Variants in BTBD8 observed in about 807,000 individuals in gnomAD.
The protein encoded by BTBD8 is BTB domain containing 8, also known as BTB/POZ domain-containing protein 8.
Under a neutral mutation model 162.9 loss-of-function variants are expected in BTBD8, and 110 were observed. The ratio of observed to expected loss-of-function variants is 0.68; its 90% CI spans 0.58 to 0.79. The LOEUF (loss-of-function observed/expected upper bound fraction) is 0.79. Among genes scored for constraint, BTBD8 ranks in the 30% least tolerant of loss-of-function variants. The pLI is 0.00. For synonymous variants in BTBD8, 667 were observed against 716.1 expected, an observed-to-expected ratio of 0.93 and a Z score of 1.10; for missense variants, 1,905 against 2,085.4, an observed-to-expected ratio of 0.91 and a Z score of 1.68.
intron 1 of BTBD8, among the ~76,000 whole-genome samples, chr1:92,086,728 G>A (rs56217958): frequency 7.9e-5 from 12 of 152,240 alleles, no homozygotes; most frequent in South Asian, 2.1e-4. Flanking sequence ...TCATGGGTGC[G>A]AGTGGTAGTG....
chr1:92,088,864 G>T lies in BTBD8; in HGVS notation c.316G>T (p.Val106Phe). The T allele has an allele frequency of 6.2e-7, 1 of 1,611,744 alleles. No individual in the cohort carries two copies. Among genetic ancestry groups the T allele is most frequent in the Non-Finnish European group, 8.5e-7 (1 of 1,178,826 alleles). Residue 106 changes from valine to phenylalanine, a missense_variant, in exon 2 of 18, where the codon GTT (valine) becomes TTT (phenylalanine). By Grantham distance (50) the Val-to-Phe change is conservative. This residue lies in a region of BTBD8 where 1,374 missense variants were observed against 1,442.7 expected (regional missense o/e 0.95). Transcript: ENST00000636805. Reference protein sequence around the residue: ...TNQEPIAVENVEALEFRTFLQ... With the variant: ...TNQEPIAVENFEALEFRTFLQ... ...TCAGGAGCCTATTGCTGTGGAGAAT[G>T]TTGAAGCTTTAGAATTTAGAACGTT...
At chr1:92,147,531 AAG>A (rs755143433) in intron 8 of BTBD8, among the ~76,000 whole-genome samples, 151 bp from the exon 9 acceptor site, 1 of 152,330 alleles carries the variant, frequency 6.6e-6, no homozygotes, top group Non-Finnish European at 1.5e-5. Flanking sequence ...GTTTACAGGA[AAG>A]AGAATATAAA....
chr1:92,112,029 A>G (rs966252055), intron 4 of BTBD8, among the ~76,000 whole-genome samples: 2 of 152,238 alleles, frequency 1.3e-5, no homozygotes, highest in African/African-American at 2.4e-5. Flanking sequence ...TCAATGATAC[A>G]TAAAATATGA....
intron 13 of BTBD8, among the ~76,000 whole-genome samples, chr1:92,172,956 G>T (rs752671776): frequency 6.6e-6 from 1 of 152,072 alleles, no homozygotes; most frequent in East Asian, 1.9e-4. Context: ...ACGGAGTTTC[G>T]CTCTTGTTGC....
At chr1:92,111,427 C>T (rs571193423) in intron 4 of BTBD8, among the ~76,000 whole-genome samples, 1 of 152,238 alleles carries the variant, frequency 6.6e-6, no homozygotes, top group Non-Finnish European at 1.5e-5. Context: ...CCTTTAATAT[C>T]TCTCTGAATA....
In BTBD8 at chr1:92,184,241, T is replaced by G; in HGVS notation, c.5290T>G (p.Ser1764Ala). 6.4e-7 allele frequency: 1 copy of G among 1,551,648 alleles called. No individual in the cohort carries two copies. Among genetic ancestry groups the G allele is most frequent in the Non-Finnish European group, 8.7e-7 (1 of 1,146,848 alleles). Residue 1764 changes from serine (S) to alanine (A), a missense_variant, in exon 18 of 18, where the codon TCA (serine) becomes GCA (alanine). Ser to Ala is a moderately conservative substitution (Grantham distance 99). Transcript: ENST00000636805. ...TGAACTAACATCTCCACTTGATTCCTCAGCGAGCATCACCATGGCTAGTTT... is the reference window on the plus strand; with the variant it reads ...TGAACTAACATCTCCACTTGATTCCGCAGCGAGCATCACCATGGCTAGTTT... ...WSELTSPLDS[S>A]ASITMASFSS...
Position 92,183,875 on chromosome 1 carries a change from G to A in BTBD8, c.4924G>A (p.Asp1642Asn), listed in dbSNP as rs1557470731. The change falls in exon 18 of 18, where the codon GAT becomes AAT. Residue 1642 changes from aspartate to asparagine, a missense_variant. Physicochemically the swap from Asp to Asn is conservative, Grantham distance 23. Coordinates refer to ENST00000636805, the MANE Select transcript of BTBD8 (RefSeq NM_001376131.1). Reference sequence around the variant, plus strand: ...ATGAATTATTTCAGGAGACATAGATGATTGTGACACACTGGCACAAACCCG... The same window carrying A: ...ATGAATTATTTCAGGAGACATAGATAATTGTGACACACTGGCACAAACCCG... Reference protein sequence around the residue: ...NIALSAGDIDDCDTLAQTRMY... With the variant: ...NIALSAGDIDNCDTLAQTRMY... The A allele has an allele frequency of 1.3e-6, 2 of 1,546,214 alleles. No homozygotes were observed. The highest frequency in any genetic ancestry group is 1.7e-6 in the Non-Finnish European group (2 of 1,144,648).
intron 9 of BTBD8, among the ~76,000 whole-genome samples, chr1:92,159,093 A>G (rs1327989795): frequency 6.6e-6 from 1 of 151,998 alleles, no homozygotes; most frequent in African/African-American, 2.4e-5. Context: ...CATAAGTGAT[A>G]CAGTACTCTT....
intron 7 of BTBD8, among the ~76,000 whole-genome samples, chr1:92,141,454 A>G (rs993684251): frequency 2.0e-5 from 3 of 152,324 alleles, no homozygotes; most frequent in African/African-American, 7.2e-5. Flanking sequence ...AGTATCCTGT[A>G]TAATTCAAAG....
intron 2 of BTBD8, among the ~76,000 whole-genome samples, chr1:92,097,715 C>T (rs1264816875): frequency 6.6e-6 from 1 of 152,186 alleles, no homozygotes; most frequent in Non-Finnish European, 1.5e-5. Context: ...CGTATCAATA[C>T]TTTATTCCCT....
chr1:92,141,420 A>G (rs1260819319), intron 7 of BTBD8, among the ~76,000 whole-genome samples: 1 of 152,186 alleles, frequency 6.6e-6, no homozygotes, highest in Non-Finnish European at 1.5e-5. Context: ...AACAAAATTG[A>G]TGGGAGGGTA....
intron 5 of BTBD8, 32 bp downstream of exon 5, chr1:92,129,808 C>T: frequency 6.5e-7 from 1 of 1,526,722 alleles, no homozygotes; most frequent in Non-Finnish European, 9.1e-7. Context: ...CATTTGACTG[C>T]AAATGATTGT....
intron 2 of BTBD8, among the ~76,000 whole-genome samples, chr1:92,101,574 G>A (rs990372690): frequency 6.6e-6 from 1 of 152,234 alleles, no homozygotes; most frequent in Admixed American, 6.5e-5. Flanking sequence ...CCAGGGGTGA[G>A]GTGACACTCA....
chr1:92,152,725 C>T (rs1290212674), intron 9 of BTBD8, among the ~76,000 whole-genome samples: 4 of 151,932 alleles, frequency 2.6e-5, no homozygotes, highest in Non-Finnish European at 5.9e-5. Context: ...TCAAACTATG[C>T]CTCTCCCAAT....
At position 92,167,980 on chromosome 1, in the gene BTBD8, GA is replaced by G; in HGVS notation, c.1441del (p.Met481TrpfsTer33). ...DTLLNSDSTKEMGFTCKIQAL... is the reference protein window; with the variant it reads ...DTLLNSDSTKXMGFTCKIQAL... ...ACTGCTGAACTCTGACAGTACAAAG[GA>G]AATGGTACTGAATGTAATGAAATTT... is the stretch of plus-strand genomic sequence containing the variant. On this transcript the variant is annotated frameshift_variant, in exon 11 of 18. Coordinates refer to ENST00000636805, the MANE Select transcript of BTBD8 (RefSeq NM_001376131.1). LOFTEE classifies it high-confidence loss of function. 1 of 1,543,094 alleles carries G rather than the reference GA, an allele frequency of 6.5e-7. No homozygotes were observed. The highest frequency in any genetic ancestry group is 8.8e-7 in the Non-Finnish European group (1 of 1,142,344).
intron 4 of BTBD8, among the ~76,000 whole-genome samples, chr1:92,116,507 A>C (rs181083080): frequency 1.3e-5 from 2 of 151,962 alleles, no homozygotes; most frequent in Admixed American, 1.3e-4. Context: ...TTGGAGCTCT[A>C]TTATTTGTTA....
In BTBD8 at chr1:92,108,008, A is replaced by G; in HGVS notation, c.662+7A>G. The G allele has an allele frequency of 1.4e-5, 23 of 1,601,778 alleles. No individual in the cohort carries two copies. Among genetic ancestry groups the G allele is most frequent in the Non-Finnish European group, 2.0e-5 (23 of 1,169,016 alleles). ...AACGTTTTAAAGCTCACAGGTAAAT[A>G]GACACGACTGATTTGCTGTCTTGGT... On this transcript the variant is annotated splice_region_variant and intron_variant, in intron 4 of 17. Transcript: ENST00000636805.
chr1:92,080,909 A>G (rs1196498581), intron 1 of BTBD8, among the ~76,000 whole-genome samples, 189 bp downstream of exon 1: 6 of 152,128 alleles, frequency 3.9e-5, no homozygotes, highest in Admixed American at 1.3e-4. Context: ...TGAATAAACA[A>G]TCCCGAGCAC....
At chr1:92,126,943 T>C (rs1387988500) in intron 4 of BTBD8, among the ~76,000 whole-genome samples, 1 of 152,202 alleles carries the variant, frequency 6.6e-6, no homozygotes, top group Admixed American at 6.5e-5. Flanking sequence ...AATCTTAATA[T>C]AGTAGAAAAA....
Sources: gnomAD v4.1 joint callset for allele counts (sites outside exome capture counted in the v4.1 genomes callset) on GRCh38, gnomAD v4.1.1 for gene constraint, gnomAD v4.1.1 regional missense constraint, MANE v1.5 for transcripts, NCBI Gene and HGNC (gene_info 2026-07-23, HGNC 2026-07-21) for gene names.